ANXA6: variants seen among roughly 807,000 people sequenced by gnomAD.
ANXA6 encodes 67 kDa calelectrin.
ANXA6 carries 71 observed loss-of-function variants against 95.4 expected under a neutral mutation model. The observed-to-expected ratio is 0.74, with a 90% confidence interval of 0.61 to 0.91. ANXA6 has a LOEUF of 0.91. ANXA6 is among the 40% of genes least tolerant of loss of function. ANXA6 has a pLI of 0.00. For synonymous variants in ANXA6, 289 were observed against 315.9 expected, an observed-to-expected ratio of 0.91 and a Z score of 0.90; for missense variants, 830 against 876.4, an observed-to-expected ratio of 0.95 and a Z score of 0.67.
At chr5:151,136,557 T>C (rs979113061) in intron 6 of ANXA6, among the ~76,000 whole-genome samples, 5 of 152,238 alleles carry the variant, frequency 3.3e-5, no homozygotes, top group South Asian at 2.1e-4. Flanking sequence ...ACCTATACCA[T>C]GACGGCCCAC....
intron 9 of ANXA6, 80 bp downstream of exon 9, chr5:151,133,014 T>TCAAGA: frequency 1.1e-6 from 1 of 881,986 alleles, no homozygotes; most frequent in Non-Finnish European, 1.7e-6. Flanking sequence ...CCATTAGTGG[T>TCAAGA]AAAGAAAAGA....
At chr5:151,137,063 C>T in intron 6 of ANXA6, 168 bp downstream of exon 6, 1 of 612,340 alleles carries the variant, frequency 1.6e-6, no homozygotes, top group Non-Finnish European at 2.8e-6. Flanking sequence ...GAACCTAGCA[C>T]ATCACCCAGC....
At chr5:151,122,062 A>T in intron 17 of ANXA6, 85 bp downstream of exon 17, 1 of 789,822 alleles carries the variant, frequency 1.3e-6, no homozygotes, top group Admixed American at 3.8e-5. Context: ...CCAAGAAGTT[A>T]CAGCTAATCC....
At chr5:151,103,543 C>T (rs779825774) in intron 25 of ANXA6, 27 bp downstream of exon 25, 1 of 1,600,670 alleles carries the variant, frequency 6.2e-7, no homozygotes, top group Admixed American at 1.7e-5. Flanking sequence ...CACCCGCTTC[C>T]TGCTAACCTC....
intron 17 of ANXA6, among the ~76,000 whole-genome samples, chr5:151,120,854 T>G (rs1385759900): frequency 2.0e-5 from 3 of 152,222 alleles, no homozygotes; most frequent in Non-Finnish European, 4.4e-5. Flanking sequence ...CATTTCTTTG[T>G]TAGAAGCAGG....
chr5:151,121,319 C>T (rs1299763693), intron 17 of ANXA6, among the ~76,000 whole-genome samples: 1 of 152,182 alleles, frequency 6.6e-6, no homozygotes, highest in Non-Finnish European at 1.5e-5. Flanking sequence ...AAAATAAGAG[C>T]CCTGCCTTGT....
intron 5 of ANXA6, among the ~76,000 whole-genome samples, chr5:151,138,201 C>T (rs967421346): frequency 2.0e-5 from 3 of 152,142 alleles, no homozygotes; most frequent in Non-Finnish European, 4.4e-5. Flanking sequence ...CTACCTCAAC[C>T]GGGCTGAACT....
At chr5:151,140,007 A>G in intron 3 of ANXA6, 146 bp downstream of exon 3, 1 of 559,712 alleles carries the variant, frequency 1.8e-6, no homozygotes, top group East Asian at 2.9e-5. Flanking sequence ...TTATAACATC[A>G]TGAAAATTAA....
chr5:151,137,182 C>A (rs1339714830), intron 6 of ANXA6, 49 bp downstream of exon 6: 1 of 1,501,712 alleles, frequency 6.7e-7, no homozygotes, highest in Admixed American at 1.7e-5. Context: ...TTGCAATCAT[C>A]CTCATTTTGT....
At chr5:151,101,573 G>T in intron 25 of ANXA6, 66 bp from the exon 26 acceptor site, 1 of 1,411,044 alleles carries the variant, frequency 7.1e-7, no homozygotes, top group Non-Finnish European at 9.8e-7. Flanking sequence ...CCTCCTCCCG[G>T]CTGCCCATCT....
chr5:151,117,794 A>G lies in ANXA6; in HGVS notation c.1482T>C (p.Ser494=). 1.9e-6 allele frequency: 3 copies of G among 1,613,858 alleles called. No individual in the cohort carries two copies. The highest frequency in any genetic ancestry group is 2.5e-6 in the Non-Finnish European group (3 of 1,179,812). The change falls in exon 19 of 26, where the codon TCT becomes TCC. Residue 494 remains serine, a synonymous_variant. Transcript: ENST00000354546. The part of the protein sequence containing the change: ...SLEDALSSDT[S]GHFRRILISL... ...AAATGAGGATCCTCCTGAAGTGGCC[A>G]GATGTGTCTGAGCTCAGAGCATCCT... is the stretch of plus-strand genomic sequence containing the variant.
intron 12 of ANXA6, among the ~76,000 whole-genome samples, chr5:151,128,869 C>A (rs1765406426): frequency 6.6e-6 from 1 of 152,002 alleles, no homozygotes; most frequent in Admixed American, 6.6e-5. Context: ...AAAAAAATTA[C>A]CCTTTGGAAA....
chr5:151,106,961 C>T lies in ANXA6; in HGVS notation c.1780+1494G>A, dbSNP rs895876510. Among the ~76,000 whole-genome samples the T allele has an allele frequency of 9.9e-4, 151 of 152,248 alleles. 1 individual carries two copies. Among genetic ancestry groups the T allele is most frequent in the African/African-American group, 3.5e-3 (144 of 41,550 alleles). ...AGGAGAAAGGGAAGAGGGAAATACA[C>T]GAGGAGGGTAGGAATCTGAAAGTGT... is the stretch of plus-strand genomic sequence containing the variant. On this transcript the variant is annotated intron_variant, in intron 23 of 25. Transcript: ENST00000354546.
chr5:151,125,696 C>T (rs552561412), intron 14 of ANXA6, among the ~76,000 whole-genome samples: 1 of 152,266 alleles, frequency 6.6e-6, no homozygotes, highest in African/African-American at 2.4e-5. Flanking sequence ...TCAACCCTGC[C>T]AAACTAAATT....
intron 16 of ANXA6, 43 bp from the exon 17 acceptor site, chr5:151,122,303 C>T (rs1245616488): frequency 1.4e-5 from 16 of 1,184,414 alleles, no homozygotes; most frequent in Non-Finnish European, 1.7e-5. Flanking sequence ...TCAGCACTTG[C>T]CCACACATGA....
intron 2 of ANXA6, among the ~76,000 whole-genome samples, chr5:151,146,073 G>A (rs1389676213): frequency 6.6e-6 from 1 of 152,040 alleles, no homozygotes; most frequent in African/African-American, 2.4e-5. Context: ...TGCCACCCTG[G>A]GACTCACTTG....
At chr5:151,129,620 AT>A in intron 11 of ANXA6, 91 bp from the exon 12 acceptor site, 1 of 1,433,684 alleles carries the variant, frequency 7.0e-7, no homozygotes, top group African/African-American at 1.4e-5. Context: ...TATTTTCATA[AT>A]AAAAAGTTAA....
At chr5:151,108,800 T>C (rs983547124) in intron 22 of ANXA6, among the ~76,000 whole-genome samples, 3 of 152,212 alleles carry the variant, frequency 2.0e-5, no homozygotes, top group African/African-American at 7.2e-5. Flanking sequence ...CCAATGGTCT[T>C]AGAACCTCGG....
intron 2 of ANXA6, among the ~76,000 whole-genome samples, chr5:151,143,054 C>CT (rs1765879732): frequency 1.3e-5 from 2 of 152,172 alleles, no homozygotes. Context: ...AGGGAAAGGA[C>CT]TTTGAGAACC....
Sources: gnomAD v4.1 joint callset for allele counts (sites outside exome capture counted in the v4.1 genomes callset) on GRCh38, gnomAD v4.1.1 for gene constraint, MANE v1.5 for transcripts, NCBI Gene and HGNC (gene_info 2026-07-23, HGNC 2026-07-21) for gene names.